The following TEAD1 variants were observed in gnomAD, a reference collection of about 807,000 sequenced individuals.
The protein encoded by TEAD1 is TEA domain transcription factor 1, also known as transcriptional enhancer factor TEF-1.
A neutral mutation model predicts 54.9 loss-of-function variants in TEAD1; 9 were observed. The observed-to-expected ratio is 0.16, with a 90% CI of 0.10 to 0.29. TEAD1 has a LOEUF of 0.29. Ranked by LOEUF, TEAD1 falls within the 10% of genes least tolerant of loss-of-function variation. TEAD1 has a pLI of 1.00. For missense variants in TEAD1, 387 were observed against 535.9 expected, an observed-to-expected ratio of 0.72 and a Z score of 2.74; for synonymous variants, 200 against 187.8, an observed-to-expected ratio of 1.07 and a Z score of -0.53.
intron 9 of TEAD1, among the ~76,000 whole-genome samples, chr11:12,900,757 T>G (rs1356591591): frequency 6.6e-6 from 1 of 152,178 alleles, no homozygotes; most frequent in Non-Finnish European, 1.5e-5. Flanking sequence ...TCCTGTGGAA[T>G]AGATTAGTAC....
intron 10 of TEAD1, among the ~76,000 whole-genome samples, chr11:12,916,114 A>T (rs1163228353): frequency 1.3e-5 from 2 of 152,164 alleles, no homozygotes; most frequent in Non-Finnish European, 2.9e-5. Flanking sequence ...TAGACCCTAA[A>T]GTCTTTAATT....
rs552465366 is a variant in TEAD1 at position 12,937,089 on chromosome 11, C to CT, written c.1168-11dup. The CT allele has an allele frequency of 9.2e-4, 1,386 of 1,507,720 alleles. 2 individuals are homozygous for CT. Among genetic ancestry groups the CT allele is most frequent in the African/African-American group, 4.9e-3 (354 of 72,372 alleles). 93.4% of individuals were successfully genotyped at this position (1,507,720 alleles called of 1,614,324 possible). A position where few individuals can be genotyped will look rare whatever the true frequency, so the allele number is the denominator to read the frequency against. ...GTTTTCATCCTTTTGGTATTATATA[C>CT]TTTTTTTTTATCTTAACAGGTGGTA... On this transcript the variant is annotated intron_variant, in intron 12 of 12. Coordinates refer to ENST00000527636, the MANE Select transcript of TEAD1 (RefSeq NM_021961.6).
intron 10 of TEAD1, among the ~76,000 whole-genome samples, chr11:12,906,399 G>A (rs1312837297): frequency 6.6e-6 from 1 of 151,738 alleles, no homozygotes; most frequent in Non-Finnish European, 1.5e-5. Flanking sequence ...AAATTAGCCG[G>A]GTGTGGTGGC....
chr11:12,933,529 T>C (rs1473745392), intron 12 of TEAD1, among the ~76,000 whole-genome samples: 3 of 152,334 alleles, frequency 2.0e-5, no homozygotes, highest in South Asian at 2.1e-4. Flanking sequence ...ATAGTTGTTA[T>C]ACTATATTTC....
chr11:12,706,996 C>G (rs1033568692), intron 2 of TEAD1, among the ~76,000 whole-genome samples: 1 of 151,940 alleles, frequency 6.6e-6, no homozygotes, highest in East Asian at 1.9e-4. Flanking sequence ...GTTTTACCCT[C>G]GTATGTCTCA....
At chr11:12,782,660 G>A (rs1332535709) in intron 3 of TEAD1, among the ~76,000 whole-genome samples, 3 of 152,218 alleles carry the variant, frequency 2.0e-5, no homozygotes, top group Non-Finnish European at 2.9e-5. Context: ...TAGTATCAGT[G>A]TATATGCTCA....
chr11:12,878,404 C>T (rs1483781697), intron 5 of TEAD1, among the ~76,000 whole-genome samples: 2 of 152,152 alleles, frequency 1.3e-5, no homozygotes, highest in Admixed American at 6.5e-5. Context: ...CTCCCTTTGA[C>T]GTTCCCTGGA....
At chr11:12,931,168 A>G (rs993373732) in intron 12 of TEAD1, among the ~76,000 whole-genome samples, 1 of 152,226 alleles carries the variant, frequency 6.6e-6, no homozygotes, top group Non-Finnish European at 1.5e-5. Context: ...AAGGTCCATG[A>G]TGGGAAAACT....
intron 3 of TEAD1, among the ~76,000 whole-genome samples, chr11:12,810,091 C>T (rs1013987848): frequency 6.7e-6 from 1 of 150,208 alleles, no homozygotes; most frequent in Non-Finnish European, 1.5e-5. Flanking sequence ...AGCAGTTCTC[C>T]TGACTCAGCC....
intron 10 of TEAD1, among the ~76,000 whole-genome samples, chr11:12,916,921 A>C (rs531330103): frequency 6.6e-6 from 1 of 152,338 alleles, no homozygotes; most frequent in South Asian, 2.1e-4. Flanking sequence ...ATTGTGTTAC[A>C]GAAGTGTTCT....
chr11:12,935,558 C>G (rs775044462), intron 12 of TEAD1, among the ~76,000 whole-genome samples: 4 of 152,042 alleles, frequency 2.6e-5, no homozygotes, highest in South Asian at 2.1e-4. Flanking sequence ...CTCCCGGGCT[C>G]AAGTGATTCT....
chr11:12,731,598 G>T (rs142402484), intron 2 of TEAD1, among the ~76,000 whole-genome samples: 1 of 151,964 alleles, frequency 6.6e-6, no homozygotes, highest in Non-Finnish European at 1.5e-5. Context: ...ATTTATTCCC[G>T]CTTATCAGAT....
intron 3 of TEAD1, among the ~76,000 whole-genome samples, chr11:12,800,940 T>A (rs1034611068): frequency 6.6e-6 from 1 of 152,244 alleles, no homozygotes; most frequent in African/African-American, 2.4e-5. Flanking sequence ...GCACCATGCC[T>A]GGCACAGAAT....
At chr11:12,923,075 A>G (rs1948841087) in intron 10 of TEAD1, 1 of 151,138 alleles carries the variant, frequency 6.6e-6, no homozygotes, top group Non-Finnish European at 1.5e-5. Flanking sequence ...GCCTCCTAGT[A>G]TATATATATA....
chr11:12,807,794 G>A (rs1946207929), intron 3 of TEAD1, among the ~76,000 whole-genome samples: 1 of 152,184 alleles, frequency 6.6e-6, no homozygotes, highest in Non-Finnish European at 1.5e-5. Context: ...AGGTGAAGTA[G>A]GTCGTGCTTT....
At chr11:12,870,910 T>C (rs1947734218) in intron 5 of TEAD1, among the ~76,000 whole-genome samples, 1 of 152,168 alleles carries the variant, frequency 6.6e-6, no homozygotes, top group East Asian at 1.9e-4. Flanking sequence ...AGAAAAAATG[T>C]CTAGGACAGA....
intron 2 of TEAD1, among the ~76,000 whole-genome samples, chr11:12,717,666 A>G (rs1022467036): frequency 1.3e-5 from 2 of 152,168 alleles, no homozygotes; most frequent in Non-Finnish European, 1.5e-5. Context: ...TCTGGAAGTC[A>G]AGGAAGCTTT....
At chr11:12,842,627 G>C (rs1468793735) in intron 3 of TEAD1, among the ~76,000 whole-genome samples, 1 of 152,154 alleles carries the variant, frequency 6.6e-6, no homozygotes, top group Non-Finnish European at 1.5e-5. Context: ...TGCAGGTTCA[G>C]AACCACTGAT....
chr11:12,836,143 G>A (rs992743178), intron 3 of TEAD1, among the ~76,000 whole-genome samples: 5 of 152,126 alleles, frequency 3.3e-5, no homozygotes, highest in African/African-American at 9.7e-5. Flanking sequence ...CTTTTAGGCC[G>A]GGTGTGGTGG....
Sources: gnomAD v4.1 joint callset for allele counts (sites outside exome capture counted in the v4.1 genomes callset) on GRCh38, gnomAD v4.1.1 for gene constraint, MANE v1.5 for transcripts, NCBI Gene and HGNC (gene_info 2026-07-23, HGNC 2026-07-21) for gene names.